The following IFT88 variants were observed in gnomAD, a reference collection of about 807,000 sequenced individuals.
IFT88 encodes intraflagellar transport 88, also known as intraflagellar transport protein 88 homolog.
IFT88 carries 74 observed loss-of-function variants against 119.5 expected under a neutral mutation model. That is an observed-to-expected ratio of 0.62 (90% CI 0.51 to 0.75). The LOEUF is 0.75. Ranked by LOEUF, IFT88 falls within the 30% of genes least tolerant of loss-of-function variation. The probability of loss-of-function intolerance (pLI) is 0.00; values close to 1 mark genes in which losing one functional copy is unlikely to be tolerated. For missense variants in IFT88, 961 were observed against 977.7 expected (o/e 0.98, Z 0.23); for synonymous variants, 279 against 316.7 (o/e 0.88, Z 1.26).
At chr13:20,685,439 A>G (rs992203771) in intron 24 of IFT88, among the ~76,000 whole-genome samples, 4 of 152,206 alleles carry the variant, frequency 2.6e-5, no homozygotes, top group Admixed American at 6.5e-5. Context: ...TTAGCAATGA[A>G]TTTTTTAAAA....
intron 22 of IFT88, among the ~76,000 whole-genome samples, chr13:20,661,182 C>G (rs537906352): frequency 6.6e-6 from 1 of 152,302 alleles, no homozygotes; most frequent in South Asian, 2.1e-4. Flanking sequence ...CAGAGGATCT[C>G]TTAACTCTGC....
chr13:20,601,706 A>G lies in IFT88; in HGVS notation c.814A>G (p.Ile272Val). 1.3e-6 allele frequency: 2 copies of G among 1,584,238 alleles called. No homozygotes were observed. Among genetic ancestry groups the G allele is most frequent in the Non-Finnish European group, 1.7e-6 (2 of 1,155,996 alleles). The change falls in exon 12 of 26, where the codon ATT (isoleucine) becomes GTT (valine). Residue 272 changes from isoleucine (I) to valine (V), a missense_variant and splice_region_variant. Transcript: ENST00000351808. ...QVPSVNKQMR[I>V]KIMQNIGVTF... ...CTAATCCATGTCTTTTTCTTTTAGG[A>G]TTAAAATAATGCAGAATATTGGAGT...
chr13:20,600,848 T>G (rs1212426646), intron 11 of IFT88, among the ~76,000 whole-genome samples: 1 of 152,068 alleles, frequency 6.6e-6, no homozygotes, highest in Admixed American at 6.5e-5. Flanking sequence ...AGCCAAAAAG[T>G]AGAAACAAGA....
intron 14 of IFT88, among the ~76,000 whole-genome samples, chr13:20,621,127 G>T (rs906642423): frequency 6.6e-5 from 10 of 151,902 alleles, no homozygotes; most frequent in African/African-American, 2.2e-4. Context: ...GTGCAGTGGC[G>T]CAATCTCTGC....
intron 2 of IFT88, among the ~76,000 whole-genome samples, chr13:20,582,674 T>C (rs1396644178): frequency 6.6e-6 from 1 of 152,168 alleles, no homozygotes; most frequent in Admixed American, 6.5e-5. Context: ...CCTTGTATAC[T>C]TGATGTTTCA....
In IFT88 at chr13:20,670,976, A is replaced by G; in HGVS notation, c.2179A>G (p.Ile727Val). 1 of 1,613,882 alleles carries G rather than the reference A, an allele frequency of 6.2e-7. No homozygotes were observed. Among genetic ancestry groups the G allele is most frequent in the East Asian group, 2.2e-5 (1 of 44,870 alleles). ...ACTTGTCTTCTCTTTGCTCTAGCGC[A>G]TAAAGTCAGGCAGAGATGGCAGTGG... ...EKMKEIREQR[I>V]KSGRDGSGGS... Residue 727 changes from isoleucine (I) to valine (V), a missense_variant, in exon 24 of 26, where the codon ATA (isoleucine) becomes GTA (valine). By Grantham distance (29) the Ile-to-Val change is conservative. Transcript: ENST00000351808.
intron 10 of IFT88, among the ~76,000 whole-genome samples, chr13:20,599,199 G>A (rs569794005): frequency 1.3e-5 from 2 of 151,898 alleles, no homozygotes; most frequent in African/African-American, 4.8e-5. Context: ...TTAGAAGAAC[G>A]CACAATAATG....
intron 2 of IFT88, 83 bp downstream of exon 2, chr13:20,574,558 A>G: frequency 1.5e-6 from 1 of 673,700 alleles, no homozygotes; most frequent in East Asian, 3.0e-5. Context: ...GTTCTACTTT[A>G]TTATGCTTTA....
At position 20,625,753 on chromosome 13, in the gene IFT88, C is replaced by T. The variant is rs763771455; in HGVS notation, c.1203C>T (p.Cys401=). The T allele has an allele frequency of 2.2e-5, 35 of 1,593,454 alleles. No individual in the cohort carries two copies. Among genetic ancestry groups the T allele is most frequent in the Middle Eastern group, 1.7e-4 (1 of 5,848 alleles). Residue 401 remains cysteine (C), a synonymous_variant, in exon 15 of 26, where the codon TGC becomes TGT. Coordinates refer to ENST00000351808, the MANE Select transcript of IFT88 (RefSeq NM_006531.5). The part of the protein sequence containing the change: ...ETSFAAGYDW[C]VEVVKASQYV... ...TTTTTTATGCTTTCCCTTATAGGTG[C>T]GTGGAAGTGGTGAAAGCTTCTCAAT... is the stretch of plus-strand genomic sequence containing the variant.
chr13:20,674,011 T>C (rs1003877986), intron 24 of IFT88, among the ~76,000 whole-genome samples: 14 of 152,226 alleles, frequency 9.2e-5, no homozygotes, highest in Non-Finnish European at 1.0e-4. Flanking sequence ...TCTCGAGTTA[T>C]GCATCATCCC....
chr13:20,656,313 T>C (rs2052784372), intron 21 of IFT88, 52 bp from the exon 22 acceptor site: 1 of 767,116 alleles, frequency 1.3e-6, no homozygotes, highest in Non-Finnish European at 2.1e-6. Flanking sequence ...TTTTTCTGAA[T>C]CCTGTTAGTT....
At chr13:20,568,588 G>C (rs150636907) in intron 1 of IFT88, among the ~76,000 whole-genome samples, 85 of 152,318 alleles carry the variant, frequency 5.6e-4, no homozygotes, top group African/African-American at 1.9e-3. Flanking sequence ...TCAGAATAGT[G>C]GTTCTCAAAG....
intron 24 of IFT88, among the ~76,000 whole-genome samples, chr13:20,687,040 A>T (rs890487298): frequency 2.2e-4 from 33 of 151,124 alleles, no homozygotes; most frequent in Middle Eastern, 3.4e-3. Context: ...AAAAAAAAAA[A>T]AAAAAAAAAC....
At chr13:20,622,817 T>A (rs2046751232) in intron 14 of IFT88, among the ~76,000 whole-genome samples, 1 of 152,188 alleles carries the variant, frequency 6.6e-6, no homozygotes, top group South Asian at 2.1e-4. Flanking sequence ...GGCAAAAACT[T>A]CTTAAATTTT....
At chr13:20,597,765 A>ATG (rs2041988829) in intron 9 of IFT88, among the ~76,000 whole-genome samples, 1 of 149,080 alleles carries the variant, frequency 6.7e-6, no homozygotes, top group Non-Finnish European at 1.5e-5. Context: ...ATATATATAT[A>ATG]TATATTTTTT....
chr13:20,683,453 A>G (rs2086201277), intron 24 of IFT88, among the ~76,000 whole-genome samples: 1 of 152,134 alleles, frequency 6.6e-6, no homozygotes, highest in Admixed American at 6.5e-5. Context: ...TGCTGTAATA[A>G]ATCTCTCCCC....
At chr13:20,652,520 G>T (rs1288664793) in intron 20 of IFT88, among the ~76,000 whole-genome samples, 1 of 151,946 alleles carries the variant, frequency 6.6e-6, no homozygotes, top group African/African-American at 2.4e-5. Context: ...AGTGGTCCCA[G>T]CTACTTGGGA....
At position 20,663,584 on chromosome 13, in the gene IFT88, A is replaced by T. The variant is rs1379865061; in HGVS notation, c.2155A>T (p.Met719Leu). 2.5e-6 allele frequency: 4 copies of T among 1,613,312 alleles called. No homozygotes were observed. Among genetic ancestry groups the T allele is most frequent in the Non-Finnish European group, 3.4e-6 (4 of 1,179,448 alleles). Residue 719 changes from methionine (M) to leucine (L), a missense_variant, in exon 23 of 26, where the codon ATG becomes TTG. Met to Leu is a conservative substitution (Grantham distance 15). Coordinates refer to ENST00000351808, the MANE Select transcript of IFT88 (RefSeq NM_006531.5). Reference sequence around the variant, plus strand: ...CAGAAAACTGAAGAGGTTGGAAAAAATGAAAGAAATAAGGGAACAGGTATC... The same window carrying T: ...CAGAAAACTGAAGAGGTTGGAAAAATTGAAAGAAATAAGGGAACAGGTATC... The part of the protein sequence containing the change: ...YARKLKRLEK[M>L]KEIREQRIKS...
intron 13 of IFT88, among the ~76,000 whole-genome samples, chr13:20,614,147 T>C (rs963215997): frequency 2.6e-5 from 4 of 152,342 alleles, no homozygotes; most frequent in African/African-American, 7.2e-5. Context: ...TTCAGAAATA[T>C]GTTTTTAAAA....
Sources: allele counts gnomAD v4.1 joint callset (sites outside exome capture counted in the v4.1 genomes callset), GRCh38; gene constraint gnomAD v4.1.1; transcripts MANE v1.5; gene names NCBI Gene and HGNC (gene_info 2026-07-23, HGNC 2026-07-21).